KIF3C: variants seen among roughly 807,000 people sequenced by gnomAD.
KIF3C encodes kinesin-like protein KIF3C.
In KIF3C, 12 loss-of-function variants were observed where a neutral mutation model predicts 67.7. The observed-to-expected ratio is 0.18, with a 90% CI of 0.11 to 0.29. The LOEUF (loss-of-function observed/expected upper bound fraction) is 0.29, where lower values mean the gene tolerates loss of function less well. Among genes scored for constraint, KIF3C ranks in the 10% least tolerant of loss-of-function variants. KIF3C has a pLI of 1.00. For synonymous variants in KIF3C, 393 were observed against 426.2 expected (o/e 0.92, Z 0.96); for missense variants, 789 against 1,059.6 (o/e 0.74, Z 3.55).
At chr2:25,977,838 C>A (rs570619282) in intron 1 of KIF3C, among the ~76,000 whole-genome samples, 1 of 152,264 alleles carries the variant, frequency 6.6e-6, no homozygotes, top group South Asian at 2.1e-4. Flanking sequence ...CAGGCGGTGC[C>A]TTGGGGCTAT....
chr2:25,974,395 C>T (rs753450104), intron 1 of KIF3C, among the ~76,000 whole-genome samples: 3 of 151,406 alleles, frequency 2.0e-5, no homozygotes, highest in Non-Finnish European at 2.9e-5. Flanking sequence ...GAGACAAGGT[C>T]TTGCTATATT....
chr2:25,965,812 C>T (rs1664127419), intron 1 of KIF3C, among the ~76,000 whole-genome samples: 2 of 151,870 alleles, frequency 1.3e-5, no homozygotes. Context: ...TGTAATATTT[C>T]AGAGCAAAAG....
At chr2:25,969,954 G>C (rs1443652013) in intron 1 of KIF3C, among the ~76,000 whole-genome samples, 1 of 152,216 alleles carries the variant, frequency 6.6e-6, no homozygotes, top group African/African-American at 2.4e-5. Flanking sequence ...GGCCTCAAGT[G>C]ATCTGCCCAC....
At chr2:25,959,331 A>T (rs1663887675) in intron 1 of KIF3C, among the ~76,000 whole-genome samples, 1 of 152,188 alleles carries the variant, frequency 6.6e-6, no homozygotes, top group African/African-American at 2.4e-5. Flanking sequence ...GAGCTCCCTC[A>T]TGGCAGCAGT....
In KIF3C at chr2:25,958,394, A is replaced by G. The variant is rs1663861762; in HGVS notation, c.1546-1950T>C. Among the ~76,000 whole-genome samples the G allele has an allele frequency of 6.6e-6, 1 of 152,154 alleles. No homozygotes were observed. The highest frequency in any genetic ancestry group is 2.1e-4 in the South Asian group (1 of 4,834). On this transcript the variant is annotated intron_variant, in intron 1 of 7. Coordinates refer to ENST00000264712, the MANE Select transcript of KIF3C (RefSeq NM_002254.8). The surrounding 1 kb of genome is among the most constrained non-coding windows in gnomAD (Gnocchi z 4.5). Reference sequence around the variant, plus strand: ...TCAGGAGTTCGATACCAGCCTGGCCAAAATGGAGAAACCCCAGCTCTACTA... The same window carrying G: ...TCAGGAGTTCGATACCAGCCTGGCCGAAATGGAGAAACCCCAGCTCTACTA...
chr2:25,950,898 A>G (rs1263053677), intron 5 of KIF3C, among the ~76,000 whole-genome samples: 2 of 151,288 alleles, frequency 1.3e-5, no homozygotes, highest in Non-Finnish European at 2.9e-5. Context: ...AGTTGTTAAA[A>G]AAAAAAAAAA....
chr2:25,940,650 C>CTTTTTTTTTTTTTTT (rs70950139), intron 5 of KIF3C, among the ~76,000 whole-genome samples: 1 of 74,172 alleles, frequency 1.3e-5, no homozygotes, highest in Non-Finnish European at 2.4e-5. Context: ...TCAGAATGTT[C>CTTTTTTTTTTTTTTT]TTTTTTTTTT....
chr2:25,929,567 T>G, intron 6 of KIF3C, 90 bp from the exon 7 acceptor site: 1 of 1,149,806 alleles, frequency 8.7e-7, no homozygotes, highest in East Asian at 2.4e-5. Flanking sequence ...GCAGGGCTGA[T>G]GAGGTGGTTA....
At chr2:25,943,951 G>A (rs1663359882) in intron 5 of KIF3C, among the ~76,000 whole-genome samples, 1 of 151,256 alleles carries the variant, frequency 6.6e-6, no homozygotes, top group South Asian at 2.1e-4. Context: ...ATTAAATACT[G>A]CAAATTGCAG....
At chr2:25,950,037 C>A (rs747392765) in intron 5 of KIF3C, among the ~76,000 whole-genome samples, 60 of 151,168 alleles carry the variant, frequency 4.0e-4, no homozygotes, top group Admixed American at 7.9e-4. Flanking sequence ...ACTGCAGGTG[C>A]ATGCCACCAC....
Position 25,980,726 on chromosome 2 carries a change from C to T in KIF3C, c.1192G>A (p.Gly398Arg), listed in dbSNP as rs746418508. 6.2e-7 allele frequency: 1 copy of T among 1,614,164 alleles called. No individual in the cohort carries two copies. The highest frequency in any genetic ancestry group is 8.5e-7 in the Non-Finnish European group (1 of 1,179,996). ...CTCCGGGGCCGCTTCCCCAGCATCC[C>T]CCTCTTCTCCAGCTGGGCCTTCAGG... ...ARLKAQLEKRGMLGKRPRRKS... is the reference protein window; with the variant it reads ...ARLKAQLEKRRMLGKRPRRKS... Residue 398 changes from glycine (G) to arginine (R), a missense_variant, in exon 1 of 8, where the codon GGG (glycine) becomes AGG (arginine). Transcript: ENST00000264712. This position sits in a 1 kb window ranked among gnomAD's most constrained non-coding sequence, Gnocchi z 7.6.
chr2:25,963,480 A>C (rs1451920495), intron 1 of KIF3C, among the ~76,000 whole-genome samples: 1 of 150,622 alleles, frequency 6.6e-6, no homozygotes, highest in East Asian at 1.9e-4. Flanking sequence ...GGTGTGAGCC[A>C]CCACTCCCAG....
chr2:25,947,364 G>T (rs1208702373), intron 5 of KIF3C, among the ~76,000 whole-genome samples: 4 of 152,012 alleles, frequency 2.6e-5, no homozygotes, highest in Admixed American at 1.3e-4. Context: ...GGCAGATCAC[G>T]AGGTCAGGAG....
chr2:25,974,206 A>T (rs924991421), intron 1 of KIF3C, among the ~76,000 whole-genome samples: 2 of 151,766 alleles, frequency 1.3e-5, no homozygotes, highest in African/African-American at 4.8e-5. Context: ...AGCAGCTGGG[A>T]CTACAGACGC....
intron 5 of KIF3C, among the ~76,000 whole-genome samples, chr2:25,936,086 C>CA (rs529952771): frequency 0.031 from 4,209 of 135,224 alleles, 70 homozygotes; most frequent in Non-Finnish European, 0.046. Flanking sequence ...GACTCAGTCT[C>CA]AAAAAAAAAA....
At position 25,955,795 on chromosome 2, in the gene KIF3C, G is replaced by T. The variant is rs1285834032; in HGVS notation, c.1648-132C>A. 4 of 1,027,018 alleles carry T rather than the reference G, an allele frequency of 3.9e-6. No individual in the cohort carries two copies. The highest frequency in any genetic ancestry group is 5.7e-6 in the Non-Finnish European group (4 of 705,692). 63.6% of individuals were successfully genotyped at this position (1,027,018 alleles called of 1,614,324 possible). ...CCATGGCCCATGGCCCACATCCACT[G>T]CTCCCACCCAATCCTGCAGAGCCCC... is the stretch of plus-strand genomic sequence containing the variant. On this transcript the variant is annotated intron_variant, in intron 2 of 7. Transcript: ENST00000264712. This position sits in a 1 kb window ranked among gnomAD's most constrained non-coding sequence, Gnocchi z 5.0.
chr2:25,964,222 C>T (rs1023534465), intron 1 of KIF3C, among the ~76,000 whole-genome samples: 4 of 151,936 alleles, frequency 2.6e-5, no homozygotes, highest in African/African-American at 2.4e-5. Context: ...GCACAAGAAT[C>T]GCCAGAGGTT....
chr2:25,971,406 C>T (rs1664281331), intron 1 of KIF3C, among the ~76,000 whole-genome samples: 2 of 151,256 alleles, frequency 1.3e-5, no homozygotes, highest in African/African-American at 4.9e-5. Context: ...CGCCACTGTA[C>T]TCCAGCCTGG....
intron 5 of KIF3C, among the ~76,000 whole-genome samples, chr2:25,948,634 G>A (rs548347040): frequency 3.3e-5 from 4 of 122,888 alleles, no homozygotes; most frequent in Admixed American, 7.7e-5. Context: ...GAGAAAGAGA[G>A]AGAGAAAGAG....
Sources: allele counts gnomAD v4.1 joint callset (sites outside exome capture counted in the v4.1 genomes callset), GRCh38; gene constraint gnomAD v4.1.1; non-coding constraint Gnocchi (gnomAD v3.1); transcripts MANE v1.5; gene names NCBI Gene and HGNC (gene_info 2026-07-23, HGNC 2026-07-21).